TRIM3: variants seen among roughly 807,000 people sequenced by gnomAD.
TRIM3 encodes the protein tripartite motif-containing protein 3.
A neutral mutation model predicts 66.6 loss-of-function variants in TRIM3; 13 were observed. The observed-to-expected ratio is 0.20, with a 90% confidence interval of 0.13 to 0.31. The LOEUF is 0.31. Ranked by LOEUF, TRIM3 falls within the 10% of genes least tolerant of loss-of-function variation. The probability of loss-of-function intolerance (pLI) is 1.00; values close to 1 mark genes in which losing one functional copy is unlikely to be tolerated. For missense variants in TRIM3, 711 were observed against 1,020.4 expected (o/e 0.70, Z 4.13); for synonymous variants, 406 against 411.7 (o/e 0.99, Z 0.17).
Position 6,465,750 on chromosome 11 carries a change from C to A in TRIM3, c.-37-18G>T. On this transcript the variant is annotated intron_variant, in intron 1 of 11. Coordinates refer to ENST00000345851, the MANE Select transcript of TRIM3 (RefSeq NM_033278.4). ...ACCAGCCTCTGTATGGAGAGATGGT[C>A]AGCACCAGGGAGTCCAGAACTTCTT... The A allele has an allele frequency of 2.5e-6, 4 of 1,609,100 alleles. No homozygotes were observed. In the South Asian group the frequency reaches 4.4e-5, roughly 18 times the overall value.
Position 6,450,320 on chromosome 11 carries a change from C to T in TRIM3, c.1941+231G>A, listed in dbSNP as rs1849668574. 2 of 549,430 alleles carry T rather than the reference C, an allele frequency of 3.6e-6. No individual in the cohort carries two copies. The highest frequency in any genetic ancestry group is 6.5e-6 in the Non-Finnish European group (2 of 309,554). The allele number at this position is 549,430 out of a possible 1,614,324, so 34.0% of individuals were successfully genotyped here. A position where few individuals can be genotyped will look rare whatever the true frequency, so the allele number is the denominator to read the frequency against. ...AATTTTTTGGTTACCTTTTTCTCTT[C>T]CCTACTAGACTATAATCAAGAAGAC... On this transcript the variant is annotated intron_variant, in intron 10 of 11. Coordinates refer to ENST00000345851, the MANE Select transcript of TRIM3 (RefSeq NM_033278.4). This position sits in a 1 kb window ranked among gnomAD's most constrained non-coding sequence, Gnocchi z 4.8.
At chr11:6,454,910 GAA>G (rs1010337784) in intron 7 of TRIM3, among the ~76,000 whole-genome samples, 2 of 152,126 alleles carry the variant, frequency 1.3e-5, no homozygotes, top group African/African-American at 4.8e-5. Context: ...GATCTTCAGC[GAA>G]AAGTTTTGCT....
intron 7 of TRIM3, among the ~76,000 whole-genome samples, chr11:6,454,955 A>G (rs779688912): frequency 1.3e-5 from 2 of 152,192 alleles, no homozygotes; most frequent in Non-Finnish European, 2.9e-5. Flanking sequence ...AGTAAAGTGC[A>G]TGGTAGTTAG....
At position 6,457,354 on chromosome 11, in the gene TRIM3, T is replaced by C. The variant is rs761228283; in HGVS notation, c.638A>G (p.Gln213Arg). 29 of 1,613,950 alleles carry C rather than the reference T, an allele frequency of 1.8e-5. No homozygotes were observed. Among genetic ancestry groups the C allele is most frequent in the Non-Finnish European group, 2.4e-5 (28 of 1,179,826 alleles). Residue 213 changes from glutamine to arginine, a missense_variant, in exon 5 of 12, where the codon CAG (glutamine) becomes CGG (arginine). By Grantham distance (43) the Gln-to-Arg change is conservative. This residue lies in a region of TRIM3 where 399 missense variants were observed against 458.1 expected (regional missense o/e 0.87). Coordinates refer to ENST00000345851, the MANE Select transcript of TRIM3 (RefSeq NM_033278.4). The surrounding 1 kb of genome is among the most constrained non-coding windows in gnomAD (Gnocchi z 4.5). ...AAFEDLEQAL[Q>R]QRKQALVSDL... ...GCTGACCAGAGCCTGCTTGCGCTGC[T>C]GCAGTGCTTGCTCCAGGTCCTCGAA...
chr11:6,474,185 C>T (rs1250443359), upstream of TRIM3: 2 of 152,112 alleles, frequency 1.3e-5, no homozygotes, highest in Non-Finnish European at 2.9e-5. Context: ...CCCGGATCTC[C>T]GCCAGCTGCC....
chr11:6,468,764 C>T (rs907970534), intron 1 of TRIM3, among the ~76,000 whole-genome samples: 2 of 152,216 alleles, frequency 1.3e-5, no homozygotes, highest in Non-Finnish European at 2.9e-5. Flanking sequence ...GGCAGAACAA[C>T]AGCTGGATTA....
intron 7 of TRIM3, chr11:6,453,095 A>G (rs1466312092): frequency 6.6e-6 from 1 of 152,252 alleles, no homozygotes; most frequent in Non-Finnish European, 1.5e-5. Flanking sequence ...CTCGCATGGC[A>G]TAAGGACTGC....
upstream of TRIM3, chr11:6,474,213 C>CG (rs1475795324): frequency 6.6e-6 from 1 of 152,182 alleles, no homozygotes; most frequent in Admixed American, 6.5e-5. Flanking sequence ...CCGGGAAGGG[C>CG]GGTGTAGTCG....
At chr11:6,460,851 T>C (rs116021814) in intron 2 of TRIM3, among the ~76,000 whole-genome samples, 1,553 of 152,026 alleles carry the variant, frequency 0.01, 30 homozygotes, top group African/African-American at 0.034. Flanking sequence ...GCTTCACAAG[T>C]ATTAACTTAT....
At chr11:6,474,458 G>C (rs1346670895), upstream of TRIM3, 1 of 152,246 alleles carries the variant, frequency 6.6e-6, no homozygotes, top group Non-Finnish European at 1.5e-5. Flanking sequence ...TCTGGGAGAA[G>C]GAGTTAAGGG....
chr11:6,461,950 C>T (rs1850260830), intron 2 of TRIM3, among the ~76,000 whole-genome samples: 1 of 152,144 alleles, frequency 6.6e-6, no homozygotes, highest in Admixed American at 6.5e-5. Flanking sequence ...CCTTAAACTG[C>T]CCTTATTCTC....
chr11:6,456,113 C>G lies in TRIM3; in HGVS notation c.1492G>C (p.Gly498Arg). The G allele has an allele frequency of 1.2e-6, 2 of 1,614,152 alleles. No individual in the cohort carries two copies. The highest frequency in any genetic ancestry group is 4.5e-5 in the East Asian group (2 of 44,874). ...TTGCTGTCTGCTACCACGATGCGGC[C>G]GCTGCTGGCTGCGGACACACCTTGT... ...NLQGVSAASS[G>R]RIVVADSNNQ... Residue 498 changes from glycine to arginine, a missense_variant, in exon 7 of 12, where the codon GGC (glycine) becomes CGC (arginine). Coordinates refer to ENST00000345851, the MANE Select transcript of TRIM3 (RefSeq NM_033278.4). The surrounding 1 kb of genome is among the most constrained non-coding windows in gnomAD (Gnocchi z 6.4).
rs554003885 is a variant in TRIM3, at chr11:6,465,479, T to C, written c.131+86A>G. 4.0e-4 allele frequency: 614 copies of C among 1,547,112 alleles called. 4 individuals carry two copies. The African/African-American group carries it at 7.3e-3, about 18-fold the overall frequency. ...GCCTCACCTACTACAGGTTTACACA[T>C]GCTCCCTCACCCTCCCCACAGGGGA... On this transcript the variant is annotated intron_variant, in intron 2 of 11. Transcript: ENST00000345851.
chr11:6,452,782 G>C (rs1849786944), intron 7 of TRIM3: 3 of 152,196 alleles, frequency 2.0e-5, no homozygotes, highest in Admixed American at 6.5e-5. Context: ...TGCCCCTCCA[G>C]TTTGAGCAGC....
chr11:6,451,180 T>C lies in TRIM3; in HGVS notation c.1701+91A>G, dbSNP rs528501149. ...AACAGGGAGTAGGAGGAGGTAGGAT[T>C]GGATCAGTCCAGACCCTGACCACCA... On this transcript the variant is annotated intron_variant, in intron 8 of 11. Transcript: ENST00000345851. The C allele has an allele frequency of 2.3e-4, 369 of 1,585,784 alleles. 4 individuals are homozygous for C. In the South Asian group the frequency reaches 3.3e-3, roughly 14 times the overall value.
intron 2 of TRIM3, among the ~76,000 whole-genome samples, chr11:6,459,891 CTG>C (rs1300367827): frequency 6.6e-6 from 1 of 152,184 alleles, no homozygotes; most frequent in Admixed American, 6.5e-5. Flanking sequence ...GTTGAATTTA[CTG>C]TAACAATAAA....
At chr11:6,465,067 G>A (rs144660078) in intron 2 of TRIM3, among the ~76,000 whole-genome samples, 101 of 151,546 alleles carry the variant, frequency 6.7e-4, no homozygotes, top group African/African-American at 2.3e-3. Context: ...CCTAGAACAG[G>A]GTCTGGCACA....
intron 7 of TRIM3, chr11:6,451,831 G>C (rs2037316539): frequency 1.0e-5 from 2 of 192,168 alleles, no homozygotes; most frequent in Non-Finnish European, 2.1e-5. Context: ...AGTGTGGCTG[G>C]ACTGCAGGGA....
upstream of TRIM3, chr11:6,474,404 A>T (rs1486310717): frequency 6.6e-6 from 1 of 152,158 alleles, no homozygotes; most frequent in Non-Finnish European, 1.5e-5. Context: ...AACCGTCTGT[A>T]CCTCAGCACG....
Sources: allele counts gnomAD v4.1 joint callset (sites outside exome capture counted in the v4.1 genomes callset), GRCh38; gene constraint gnomAD v4.1.1; regional missense constraint gnomAD v4.1.1; non-coding constraint Gnocchi (gnomAD v3.1); transcripts MANE v1.5; gene names NCBI Gene and HGNC (gene_info 2026-07-23, HGNC 2026-07-21).